The following GRIN2B variants were observed in gnomAD, a reference collection of about 807,000 sequenced individuals.
The protein encoded by GRIN2B is glutamate receptor ionotropic, NMDA 2B.
Under a neutral mutation model 114.5 loss-of-function variants are expected in GRIN2B, and 5 were observed. The ratio of observed to expected loss-of-function variants is 0.04; its 90% CI spans 0.02 to 0.09. The LOEUF is 0.09. Among genes scored for constraint, GRIN2B ranks in the 10% least tolerant of loss-of-function variants. The probability of loss-of-function intolerance (pLI) is 1.00; values close to 1 mark genes in which losing one functional copy is unlikely to be tolerated. For synonymous variants in GRIN2B, 787 were observed against 745.1 expected (o/e 1.06, Z -0.92); for missense variants, 1,108 against 1,943.5 (o/e 0.57, Z 8.08).
In GRIN2B at chr12:13,615,826, AAC is replaced by A. The variant is rs1949432019; in HGVS notation, c.1329-164_1329-163del. 6.6e-6 allele frequency among the ~76,000 whole-genome samples: 1 copy of A among 152,246 alleles called. No individual in the cohort carries two copies. Among genetic ancestry groups the A allele is most frequent in the South Asian group, 2.1e-4 (1 of 4,832 alleles). ...ACTCGAGTGAAGAAATAAAGCAGGC[AAC>A]AGACCTGCAATATTCTCATTATCTC... is the stretch of plus-strand genomic sequence containing the variant. On this transcript the variant is annotated intron_variant, in intron 6 of 13. Transcript: ENST00000609686. The surrounding 1 kb of genome is among the most constrained non-coding windows in gnomAD (Gnocchi z 5.8).
At chr12:13,642,249 T>C (rs1040932750) in intron 5 of GRIN2B, among the ~76,000 whole-genome samples, 2 of 151,862 alleles carry the variant, frequency 1.3e-5, no homozygotes, top group Non-Finnish European at 2.9e-5. Flanking sequence ...TAAACTAAAA[T>C]GTAACTTAAA....
chr12:13,788,076 G>A lies in GRIN2B; in HGVS notation c.412-34161C>T, dbSNP rs181521800. ...TGTCATCTCAGAGGCAAGGGAAGAG[G>A]AAGGAAGGATAAAATATCAGGTTCC... On this transcript the variant is annotated intron_variant, in intron 3 of 13. Transcript: ENST00000609686. 1.1e-4 allele frequency among the ~76,000 whole-genome samples: 17 copies of A among 152,326 alleles called. No homozygotes were observed. In the East Asian group the frequency reaches 2.9e-3, roughly 26 times the overall value.
intron 3 of GRIN2B, among the ~76,000 whole-genome samples, chr12:13,777,572 C>T (rs1864027558): frequency 6.6e-6 from 1 of 152,190 alleles, no homozygotes; most frequent in Non-Finnish European, 1.5e-5. Flanking sequence ...GCAAGATCCA[C>T]AATGGCTGGG....
chr12:13,880,719 A>T (rs1466063282), intron 2 of GRIN2B, among the ~76,000 whole-genome samples: 2 of 152,240 alleles, frequency 1.3e-5, no homozygotes, highest in Non-Finnish European at 2.9e-5. Flanking sequence ...TCATGGAAAC[A>T]GTTTTCTTCT....
At chr12:13,976,993 G>C (rs1863032307) in intron 2 of GRIN2B, among the ~76,000 whole-genome samples, 1 of 152,204 alleles carries the variant, frequency 6.6e-6, no homozygotes, top group Non-Finnish European at 1.5e-5. Flanking sequence ...GAAGGTCAGG[G>C]AAGACAGTCA....
At chr12:13,757,350 G>T (rs1863594080) in intron 3 of GRIN2B, among the ~76,000 whole-genome samples, 1 of 152,208 alleles carries the variant, frequency 6.6e-6, no homozygotes, top group South Asian at 2.1e-4. Context: ...GCTGTAAGTT[G>T]CAAATGGTGA....
intron 2 of GRIN2B, among the ~76,000 whole-genome samples, chr12:13,932,840 G>A (rs1441027294): frequency 1.3e-5 from 2 of 152,156 alleles, no homozygotes; most frequent in East Asian, 3.9e-4. Flanking sequence ...TTTCTACACT[G>A]TTCTCTTCCC....
chr12:13,739,192 C>T (rs1391610002), intron 4 of GRIN2B, among the ~76,000 whole-genome samples: 1 of 151,776 alleles, frequency 6.6e-6, no homozygotes. Context: ...ACCAGCCTAA[C>T]CAACATGGAA....
intron 2 of GRIN2B, among the ~76,000 whole-genome samples, chr12:13,900,407 G>A (rs757593153): frequency 1.1e-4 from 17 of 151,946 alleles, no homozygotes; most frequent in Admixed American, 2.0e-4. Context: ...CCCAGGAAGC[G>A]GAGGTTGCAG....
intron 3 of GRIN2B, among the ~76,000 whole-genome samples, chr12:13,856,421 T>C (rs1865662007): frequency 6.6e-6 from 1 of 152,066 alleles, no homozygotes; most frequent in Non-Finnish European, 1.5e-5. Flanking sequence ...TAAGCTTCCA[T>C]GTGGCAGCAC....
intron 11 of GRIN2B, 107 bp downstream of exon 11, chr12:13,571,697 A>G: frequency 8.3e-7 from 1 of 1,204,022 alleles, no homozygotes; most frequent in African/African-American, 1.5e-5. Flanking sequence ...GTCTTCTTTA[A>G]CATTTTATGA....
At chr12:13,911,152 G>A (rs962615384) in intron 2 of GRIN2B, among the ~76,000 whole-genome samples, 3 of 151,882 alleles carry the variant, frequency 2.0e-5, no homozygotes, top group Non-Finnish European at 4.4e-5. Flanking sequence ...TTGGAAAAAA[G>A]ACTGTACCTA....
Position 13,845,932 on chromosome 12 carries a change from C to T in GRIN2B, c.411+19866G>A, listed in dbSNP as rs866883401. On this transcript the variant is annotated intron_variant, in intron 3 of 13. Coordinates refer to ENST00000609686, the MANE Select transcript of GRIN2B (RefSeq NM_000834.5). ...ACATCTTCAGATTTTACCACCACTG[C>T]TCATTTCCTTTGTTTACTTTAATCT... is the stretch of plus-strand genomic sequence containing the variant. Among the ~76,000 whole-genome samples the T allele has an allele frequency of 3.4e-4, 44 of 129,852 alleles. No homozygotes were observed. The Middle Eastern group carries it at 0.015, about 44-fold the overall frequency. 85.2% of individuals were successfully genotyped at this position (129,852 alleles called of 152,430 possible).
intron 3 of GRIN2B, among the ~76,000 whole-genome samples, chr12:13,773,712 A>C (rs913542369): frequency 6.6e-6 from 1 of 152,204 alleles, no homozygotes; most frequent in Non-Finnish European, 1.5e-5. Context: ...ATTCTTCTGT[A>C]CCTTGATACA....
At chr12:13,678,931 T>A (rs761938267) in intron 4 of GRIN2B, among the ~76,000 whole-genome samples, 17 of 151,566 alleles carry the variant, frequency 1.1e-4, no homozygotes, top group Non-Finnish European at 2.2e-4. Flanking sequence ...ATGAGACATG[T>A]AAAACAATTT....
At chr12:13,886,094 G>A (rs544338352) in intron 2 of GRIN2B, among the ~76,000 whole-genome samples, 111 of 152,268 alleles carry the variant, frequency 7.3e-4, no homozygotes, top group South Asian at 6.2e-3. Flanking sequence ...GTACACACAA[G>A]TCTCAGAGCA....
chr12:13,834,796 A>T (rs1865225919), intron 3 of GRIN2B, among the ~76,000 whole-genome samples: 1 of 152,258 alleles, frequency 6.6e-6, no homozygotes, highest in Non-Finnish European at 1.5e-5. Context: ...CATCTAAGCC[A>T]GTAAATCTCA....
At chr12:13,662,273 G>A (rs1241544485) in intron 5 of GRIN2B, among the ~76,000 whole-genome samples, 1 of 152,056 alleles carries the variant, frequency 6.6e-6, no homozygotes, top group East Asian at 1.9e-4. Context: ...TTTCTCCTGT[G>A]GCCTCAAAGT....
intron 4 of GRIN2B, among the ~76,000 whole-genome samples, chr12:13,739,883 G>A (rs918298248): frequency 6.6e-6 from 1 of 152,172 alleles, no homozygotes; most frequent in Non-Finnish European, 1.5e-5. Context: ...AGCACCGGGC[G>A]TCATGGCAAC....
Sources: allele counts gnomAD v4.1 joint callset (sites outside exome capture counted in the v4.1 genomes callset), GRCh38; gene constraint gnomAD v4.1.1; non-coding constraint Gnocchi (gnomAD v3.1); transcripts MANE v1.5; gene names NCBI Gene and HGNC (gene_info 2026-07-23, HGNC 2026-07-21).